The following CMTM6 variants were observed in gnomAD, a reference collection of about 807,000 sequenced individuals.
The protein encoded by CMTM6 is CKLF like MARVEL transmembrane domain containing 6, also known as CKLF-like MARVEL transmembrane domain-containing protein 6.
A neutral mutation model predicts 13.6 loss-of-function variants in CMTM6; 5 were observed. The ratio of observed to expected loss-of-function variants is 0.37; its 90% CI spans 0.19 to 0.77. The LOEUF (loss-of-function observed/expected upper bound fraction) is 0.77, where lower values mean the gene tolerates loss of function less well. CMTM6 is among the 30% of genes least tolerant of loss of function. CMTM6 has a pLI of 0.50. For synonymous variants in CMTM6, 99 were observed against 84.5 expected (o/e 1.17, Z -0.94); for missense variants, 196 against 218.6 (o/e 0.90, Z 0.65).
At chr3:32,500,133 G>A (rs2125660140) in intron 1 of CMTM6, among the ~76,000 whole-genome samples, 1 of 152,282 alleles carries the variant, frequency 6.6e-6, no homozygotes, top group Middle Eastern at 3.4e-3. Context: ...CACAGGGTTT[G>A]CAGGTCCCTT....
chr3:32,484,645 C>T (rs1232031233), intron 3 of CMTM6, among the ~76,000 whole-genome samples: 1 of 152,178 alleles, frequency 6.6e-6, no homozygotes, highest in Admixed American at 6.5e-5. Flanking sequence ...CCTTAAATCA[C>T]TTCCTCAACT....
chr3:32,485,791 C>T (rs1173514592), intron 3 of CMTM6, among the ~76,000 whole-genome samples: 1 of 152,186 alleles, frequency 6.6e-6, no homozygotes, highest in Admixed American at 6.5e-5. Flanking sequence ...TATAGCCATG[C>T]AATTCTCTGA....
rs1018625680 is a variant in CMTM6 at position 32,483,055 on chromosome 3, T to C, written c.*905A>G. 6.5e-6 allele frequency: 1 copy of C among 152,672 alleles called. No homozygotes were observed. The highest frequency in any genetic ancestry group is 1.5e-5 in the Non-Finnish European group (1 of 68,050). The allele number at this position is 152,672 out of a possible 1,614,324, so 9.5% of individuals were successfully genotyped here. On this transcript the variant is annotated 3_prime_UTR_variant, in exon 4 of 4. Transcript: ENST00000205636. ...ATTAATTTTAGTAAAAATAATCATA[T>C]GCCAACAGGGGAATTGAACCACTTT...
At position 32,482,137 on chromosome 3, in the gene CMTM6, T is replaced by C. The variant is rs1417529465; in HGVS notation, c.*1823A>G. ...CAAAACCCAGCTATTTCTCCTCTCTTAGATGACATGCCCAATAAAAACAGC... is the reference window on the plus strand; with the variant it reads ...CAAAACCCAGCTATTTCTCCTCTCTCAGATGACATGCCCAATAAAAACAGC... On this transcript the variant is annotated 3_prime_UTR_variant, in exon 4 of 4. Coordinates refer to ENST00000205636, the MANE Select transcript of CMTM6 (RefSeq NM_017801.3). 3 of 152,238 alleles carry C rather than the reference T, an allele frequency of 2.0e-5. No individual in the cohort carries two copies. The highest frequency in any genetic ancestry group is 1.3e-4 in the Admixed American group (2 of 15,284). 9.4% of individuals were successfully genotyped at this position (152,238 alleles called of 1,614,324 possible). A position where few individuals can be genotyped will look rare whatever the true frequency, so the allele number is the denominator to read the frequency against.
chr3:32,502,446 G>A (rs1037739647), intron 1 of CMTM6, among the ~76,000 whole-genome samples, 162 bp downstream of exon 1: 12 of 152,216 alleles, frequency 7.9e-5, no homozygotes, highest in Non-Finnish European at 1.6e-4. Context: ...GAAGGGCGGA[G>A]GGTAACGCCC....
At position 32,483,144 on chromosome 3, in the gene CMTM6, A is replaced by C. The variant is rs1697170791; in HGVS notation, c.*816T>G. The C allele has an allele frequency of 6.6e-6, 1 of 152,654 alleles. No homozygotes were observed. Among genetic ancestry groups the C allele is most frequent in the Non-Finnish European group, 1.5e-5 (1 of 68,032 alleles). 9.5% of individuals were successfully genotyped at this position (152,654 alleles called of 1,614,324 possible). A position where few individuals can be genotyped will look rare whatever the true frequency, so the allele number is the denominator to read the frequency against. ...TAAGTGGTCAAAGCTTGTTTTTATA[A>C]TTACTTTCACTGTCTTGGGCAAAAA... On this transcript the variant is annotated 3_prime_UTR_variant, in exon 4 of 4. Coordinates refer to ENST00000205636, the MANE Select transcript of CMTM6 (RefSeq NM_017801.3).
At chr3:32,496,809 T>G (rs116516320) in intron 1 of CMTM6, among the ~76,000 whole-genome samples, 94 of 152,198 alleles carry the variant, frequency 6.2e-4, no homozygotes, top group African/African-American at 2.2e-3. Flanking sequence ...GGCAAGAATT[T>G]GCATAGTAAA....
At chr3:32,485,571 T>G (rs1697196353) in intron 3 of CMTM6, among the ~76,000 whole-genome samples, 1 of 152,188 alleles carries the variant, frequency 6.6e-6, no homozygotes, top group Non-Finnish European at 1.5e-5. Flanking sequence ...GATCACCATC[T>G]CATACTCCTC....
In CMTM6 at chr3:32,502,760, G is replaced by A; in HGVS notation, c.-15C>T. 2.1e-6 allele frequency: 3 copies of A among 1,416,792 alleles called. No homozygotes were observed. Among genetic ancestry groups the A allele is most frequent in the Non-Finnish European group, 2.8e-6 (3 of 1,085,284 alleles). The allele number at this position is 1,416,792 out of a possible 1,614,324, so 87.8% of individuals were successfully genotyped here. On this transcript the variant is annotated 5_prime_UTR_variant, in exon 1 of 4. Coordinates refer to ENST00000205636, the MANE Select transcript of CMTM6 (RefSeq NM_017801.3). The stretch of plus-strand genomic sequence containing the variant: ...CCGTTCTCCATCGCCTCGGGCCGGG[G>A]AGCGCGGCGGCCGCAGCAACCGCGC...
At position 32,496,158 on chromosome 3, in the gene CMTM6, G is replaced by A. The variant is rs138158480; in HGVS notation, c.139-4272C>T. On this transcript the variant is annotated intron_variant, in intron 1 of 3. Transcript: ENST00000205636. The stretch of plus-strand genomic sequence containing the variant: ...AGAGGTTCCAGTGAGCCAAGATGGC[G>A]CTACTACACTCCAGCCTGGGTGACA... Among the ~76,000 whole-genome samples the A allele has an allele frequency of 4.7e-3, 688 of 147,038 alleles. 8 individuals are homozygous for A. The highest frequency in any genetic ancestry group is 0.014 in the African/African-American group (569 of 39,600).
intron 2 of CMTM6, among the ~76,000 whole-genome samples, chr3:32,488,694 C>T (rs556632327): frequency 2.7e-4 from 41 of 152,250 alleles, no homozygotes; most frequent in African/African-American, 9.9e-4. Context: ...TTCAACTGTT[C>T]CAAGTGGGTA....
chr3:32,501,320 G>A (rs995643862), intron 1 of CMTM6, among the ~76,000 whole-genome samples: 1 of 152,072 alleles, frequency 6.6e-6, no homozygotes, highest in African/African-American at 2.4e-5. Flanking sequence ...TGTGACAGCT[G>A]ACAAGAGAAG....
chr3:32,486,344 T>G (rs1042710270), intron 3 of CMTM6, among the ~76,000 whole-genome samples: 2 of 152,184 alleles, frequency 1.3e-5, no homozygotes, highest in Non-Finnish European at 2.9e-5. Flanking sequence ...CTACATTAAC[T>G]CAAGGTTTTC....
chr3:32,483,040 G>A lies in CMTM6; in HGVS notation c.*920C>T, dbSNP rs2125654733. ...GACCCACAGAGCTGTATTAATTTTAGTAAAAATAATCATATGCCAACAGGG... is the reference window on the plus strand; with the variant it reads ...GACCCACAGAGCTGTATTAATTTTAATAAAAATAATCATATGCCAACAGGG... On this transcript the variant is annotated 3_prime_UTR_variant, in exon 4 of 4. Transcript: ENST00000205636. The A allele has an allele frequency of 6.5e-6, 1 of 152,712 alleles. No individual in the cohort carries two copies. The highest frequency in any genetic ancestry group is 1.9e-4 in the East Asian group (1 of 5,188). 9.5% of individuals were successfully genotyped at this position (152,712 alleles called of 1,614,324 possible). A position where few individuals can be genotyped will look rare whatever the true frequency, so the allele number is the denominator to read the frequency against.
intron 2 of CMTM6, among the ~76,000 whole-genome samples, chr3:32,489,336 C>G (rs1697231612): frequency 6.7e-6 from 1 of 150,156 alleles, no homozygotes. Flanking sequence ...CAATCATTCA[C>G]TTAACATTTA....
intron 1 of CMTM6, among the ~76,000 whole-genome samples, chr3:32,497,582 G>A (rs562013898): frequency 2.7e-5 from 4 of 150,354 alleles, no homozygotes; most frequent in South Asian, 2.1e-4. Context: ...AAAGTTGGCC[G>A]GGCGCGGTGG....
At chr3:32,488,968 A>C (rs1038812229) in intron 2 of CMTM6, among the ~76,000 whole-genome samples, 41 of 152,238 alleles carry the variant, frequency 2.7e-4, no homozygotes, top group African/African-American at 9.2e-4. Context: ...ACTCCACTAA[A>C]CCTAATATCA....
chr3:32,490,453 A>G (rs1697241580), intron 2 of CMTM6, among the ~76,000 whole-genome samples: 1 of 152,222 alleles, frequency 6.6e-6, no homozygotes, highest in African/African-American at 2.4e-5. Context: ...TTCTATGATT[A>G]CAAATATTTT....
At chr3:32,489,659 GA>G (rs57136978) in intron 2 of CMTM6, among the ~76,000 whole-genome samples, 3,160 of 117,972 alleles carry the variant, frequency 0.027, 118 homozygotes, top group African/African-American at 0.09. Flanking sequence ...TCTCAAAAAA[GA>G]AAAAAAAAAA....
Sources: allele counts gnomAD v4.1 joint callset (sites outside exome capture counted in the v4.1 genomes callset), GRCh38; gene constraint gnomAD v4.1.1; transcripts MANE v1.5; gene names NCBI Gene and HGNC (gene_info 2026-07-23, HGNC 2026-07-21).